The following TET1 variants were observed in gnomAD, a reference collection of about 807,000 sequenced individuals.
The protein encoded by TET1 is tet methylcytosine dioxygenase 1, also known as methylcytosine dioxygenase TET1.
A neutral mutation model predicts 148.7 loss-of-function variants in TET1; 13 were observed. That is an observed-to-expected ratio of 0.09 (90% CI 0.06 to 0.14). The LOEUF is 0.14. Among genes scored for constraint, TET1 ranks in the 10% least tolerant of loss-of-function variants. TET1 has a pLI of 1.00. For synonymous variants in TET1, 907 were observed against 937.2 expected, an observed-to-expected ratio of 0.97 and a Z score of 0.59; for missense variants, 2,182 against 2,553.8, an observed-to-expected ratio of 0.85 and a Z score of 3.14.
At chr10:68,688,834 GA>G (rs1057013834) in intron 11 of TET1, among the ~76,000 whole-genome samples, 3 of 149,970 alleles carry the variant, frequency 2.0e-5, no homozygotes, top group Admixed American at 1.3e-4. Context: ...CCTATAGAAG[GA>G]AAAAAAAATC....
At chr10:68,604,831 G>A (rs543884666) in intron 3 of TET1, among the ~76,000 whole-genome samples, 19 of 152,322 alleles carry the variant, frequency 1.2e-4, no homozygotes, top group Admixed American at 2.6e-4. Flanking sequence ...AAAGATGGCT[G>A]AAGAGTACAT....
At chr10:68,591,378 G>T (rs528880802) in intron 2 of TET1, among the ~76,000 whole-genome samples, 4 of 152,218 alleles carry the variant, frequency 2.6e-5, no homozygotes, top group Admixed American at 2.6e-4. Context: ...CAGTGTCCTC[G>T]AACATAGCTG....
intron 8 of TET1, among the ~76,000 whole-genome samples, chr10:68,678,542 G>A (rs1414325417): frequency 6.6e-6 from 1 of 152,122 alleles, no homozygotes; most frequent in South Asian, 2.1e-4. Flanking sequence ...TTGAGGTCAG[G>A]AGTTTGAGAC....
At chr10:68,580,054 T>C (rs987428931) in intron 2 of TET1, among the ~76,000 whole-genome samples, 1 of 151,546 alleles carries the variant, frequency 6.6e-6, no homozygotes, top group South Asian at 2.1e-4. Context: ...TCAGCCTACC[T>C]AGTAGCTGGG....
At chr10:68,652,371 T>G in intron 5 of TET1, 130 bp from the exon 6 acceptor site, 1 of 539,720 alleles carries the variant, frequency 1.9e-6, no homozygotes, top group Non-Finnish European at 3.1e-6. Flanking sequence ...AAGAGTAAAT[T>G]ACGAAGAGTG....
Position 68,691,680 on chromosome 10 carries a change from G to A in TET1, c.6277G>A (p.Glu2093Lys), listed in dbSNP as rs142389966. The A allele has an allele frequency of 2.2e-4, 352 of 1,614,216 alleles. 2 individuals carry two copies. The highest frequency in any genetic ancestry group is 3.3e-4 in the Middle Eastern group (2 of 6,062). Residue 2093 changes from glutamate (E) to lysine (K), a missense_variant, in exon 12 of 12, where the codon GAA (glutamate) becomes AAA (lysine). Glu to Lys is a moderately conservative substitution (Grantham distance 56). Around this residue, in one of 11 missense-constraint regions of TET1, gnomAD observed 54 missense variants for 44.4 expected, o/e 1.22. Transcript: ENST00000373644. The surrounding 1 kb of genome is among the most constrained non-coding windows in gnomAD (Gnocchi z 4.4). The stretch of plus-strand genomic sequence containing the variant: ...AGACCAGGCAGCTAATGAAGGTCCA[G>A]AACAGTCCTCTGAAGTAAATGAATT... ...QKDQAANEGP[E>K]QSSEVNELNQ... is the part of the protein sequence containing the mutation.
At chr10:68,624,650 TTC>T (rs2054437115) in intron 3 of TET1, among the ~76,000 whole-genome samples, 3 of 57,038 alleles carry the variant, frequency 5.3e-5, no homozygotes, top group Admixed American at 2.0e-4. Context: ...CTTTCTTTCT[TTC>T]TTTCTTTCTC....
intron 2 of TET1, among the ~76,000 whole-genome samples, chr10:68,578,000 G>A (rs2053752244): frequency 6.6e-6 from 1 of 151,968 alleles, no homozygotes; most frequent in Admixed American, 6.6e-5. Flanking sequence ...AAATAACACT[G>A]ATTTTTTATT....
At position 68,654,049 on chromosome 10, in the gene TET1, G is replaced by A. The variant is rs1024937121; in HGVS notation, c.4461+1455G>A. ...TTGAACCCAGGAGGCAGAGGTTGTA[G>A]TGAGCCAAGATCGGGCCACTGCACT... On this transcript the variant is annotated intron_variant, in intron 6 of 11. Transcript: ENST00000373644. 2.0e-4 allele frequency among the ~76,000 whole-genome samples: 29 copies of A among 145,594 alleles called. 1 individual carries two copies. Among genetic ancestry groups the A allele is most frequent in the Non-Finnish European group, 3.4e-4 (23 of 67,188 alleles).
chr10:68,583,563 C>T (rs1042618445), intron 2 of TET1, among the ~76,000 whole-genome samples: 3 of 152,170 alleles, frequency 2.0e-5, no homozygotes, highest in African/African-American at 7.2e-5. Context: ...ACCATTAACA[C>T]CAAGTCACTG....
intron 3 of TET1, among the ~76,000 whole-genome samples, chr10:68,633,082 G>A (rs1239453497): frequency 6.6e-6 from 1 of 152,100 alleles, no homozygotes; most frequent in Non-Finnish European, 1.5e-5. Context: ...TACTAGTGAG[G>A]CTGAGGCAGG....
At position 68,693,404 on chromosome 10, in the gene TET1, C is replaced by T. The variant is rs542958876; in HGVS notation, c.*1590C>T. On this transcript the variant is annotated 3_prime_UTR_variant, in exon 12 of 12. Coordinates refer to ENST00000373644, the MANE Select transcript of TET1 (RefSeq NM_030625.3). ...GGAAGCCCACAACCGCTAACACTTACAATTTTGGTGCAAAAGCAAACAGTT... is the reference window on the plus strand; with the variant it reads ...GGAAGCCCACAACCGCTAACACTTATAATTTTGGTGCAAAAGCAAACAGTT... 5 of 233,322 alleles carry T rather than the reference C, an allele frequency of 2.1e-5. No individual in the cohort carries two copies. Among genetic ancestry groups the T allele is most frequent in the Admixed American group, 1.1e-4 (2 of 17,758 alleles). The allele number at this position is 233,322 out of a possible 1,614,324, so 14.5% of individuals were successfully genotyped here.
chr10:68,690,424 G>A (rs1197608044), intron 11 of TET1, among the ~76,000 whole-genome samples: 2 of 152,106 alleles, frequency 1.3e-5, no homozygotes, highest in Admixed American at 6.5e-5. Flanking sequence ...TGGCTAACAC[G>A]GTGAAACCCT....
chr10:68,689,214 G>T (rs1460102095), intron 11 of TET1, among the ~76,000 whole-genome samples: 2 of 152,114 alleles, frequency 1.3e-5, no homozygotes, highest in African/African-American at 4.8e-5. Flanking sequence ...TTATGTATGC[G>T]TTATCTTTAG....
intron 3 of TET1, among the ~76,000 whole-genome samples, chr10:68,619,200 T>G (rs1418376895): frequency 6.6e-6 from 1 of 152,138 alleles, no homozygotes; most frequent in Admixed American, 6.6e-5. Context: ...TAGTTACATA[T>G]GTGTAGTATA....
At position 68,690,830 on chromosome 10, in the gene TET1, A is replaced by C; in HGVS notation, c.5427A>C (p.Gln1809His). Residue 1809 changes from glutamine (Q) to histidine (H), a missense_variant, in exon 12 of 12, where the codon CAA becomes CAC. Physicochemically the swap from Gln to His is conservative, Grantham distance 24. This residue lies in a region of TET1 where 380 missense variants were observed against 387.9 expected (regional missense o/e 0.98). Coordinates refer to ENST00000373644, the MANE Select transcript of TET1 (RefSeq NM_030625.3). ...TAGGGAGTAACACTGAGACCGTGCA[A>C]CCTGAAGTAAAAAGTGAAACCGAAC... Reference protein sequence around the residue: ...PTLGSNTETVQPEVKSETEPH... With the variant: ...PTLGSNTETVHPEVKSETEPH... 10 of 1,610,358 alleles carry C rather than the reference A, an allele frequency of 6.2e-6. No individual in the cohort carries two copies. Among genetic ancestry groups the C allele is most frequent in the Non-Finnish European group, 8.5e-6 (10 of 1,177,184 alleles).
rs142866717 is a variant in TET1 at position 68,679,418 on chromosome 10, T to G, written c.4825-1981T>G. 9.3e-4 allele frequency among the ~76,000 whole-genome samples: 141 copies of G among 152,278 alleles called. 1 individual carries two copies. Among genetic ancestry groups the G allele is most frequent in the African/African-American group, 3.2e-3 (134 of 41,574 alleles). ...TAAAGAATTTAAACCTGATGCTGCATACAAAAAGTATAGAATTTACATGTG... is the reference window on the plus strand; with the variant it reads ...TAAAGAATTTAAACCTGATGCTGCAGACAAAAAGTATAGAATTTACATGTG... On this transcript the variant is annotated intron_variant, in intron 8 of 11. Coordinates refer to ENST00000373644, the MANE Select transcript of TET1 (RefSeq NM_030625.3).
intron 3 of TET1, among the ~76,000 whole-genome samples, chr10:68,629,160 T>G (rs1284634988): frequency 6.6e-6 from 1 of 151,554 alleles, no homozygotes; most frequent in Non-Finnish European, 1.5e-5. Context: ...AGGTCAGGAG[T>G]TTGAGATCAG....
intron 3 of TET1, among the ~76,000 whole-genome samples, chr10:68,635,655 A>T (rs895883065): frequency 6.6e-6 from 1 of 152,216 alleles, no homozygotes; most frequent in Admixed American, 6.6e-5. Flanking sequence ...GGGATTGTTC[A>T]TGGTAAGTGT....
Sources: allele counts gnomAD v4.1 joint callset (sites outside exome capture counted in the v4.1 genomes callset), GRCh38; gene constraint gnomAD v4.1.1; regional missense constraint gnomAD v4.1.1; non-coding constraint Gnocchi (gnomAD v3.1); transcripts MANE v1.5; gene names NCBI Gene and HGNC (gene_info 2026-07-23, HGNC 2026-07-21).